The following CMIP variants were observed in gnomAD, a reference collection of about 807,000 sequenced individuals.
The protein encoded by CMIP is C-Maf-inducing protein.
Under a neutral mutation model 97.3 loss-of-function variants are expected in CMIP, and 13 were observed. That is an observed-to-expected ratio of 0.13 (90% CI 0.09 to 0.21). The LOEUF (loss-of-function observed/expected upper bound fraction) is 0.21, where lower values mean the gene tolerates loss of function less well. Ranked by LOEUF, CMIP falls within the 10% of genes least tolerant of loss-of-function variation. The pLI, the probability that CMIP is intolerant of heterozygous loss-of-function variation, is 1.00. For synonymous variants in CMIP, 538 were observed against 436.3 expected (o/e 1.23, Z -2.91); for missense variants, 847 against 1,024.9 (o/e 0.83, Z 2.37).
Position 81,678,303 on chromosome 16 carries a change from A to G in CMIP, c.1063A>G (p.Ile355Val). Residue 355 changes from isoleucine to valine, a missense_variant, in exon 10 of 21, where the codon ATC (isoleucine) becomes GTC (valine). Ile to Val is a conservative substitution (Grantham distance 29). Coordinates refer to ENST00000537098, the MANE Select transcript of CMIP (RefSeq NM_198390.3). ...CGACAATTCCCCAAGCCTGAAGGAA[A>G]TCCGGAACGGCTGCCAGCAGCCGTG... ...SRDNSPSLKEIRNGCQQPCDR... is the reference protein window; with the variant it reads ...SRDNSPSLKEVRNGCQQPCDR... 4 of 1,606,334 alleles carry G rather than the reference A, an allele frequency of 2.5e-6. No individual in the cohort carries two copies. The highest frequency in any genetic ancestry group is 3.4e-6 in the Non-Finnish European group (4 of 1,176,642).
chr16:81,483,499 C>T (rs2089263485), intron 1 of CMIP, among the ~76,000 whole-genome samples: 1 of 152,174 alleles, frequency 6.6e-6, no homozygotes, highest in Admixed American at 6.5e-5. Flanking sequence ...TGCTCTAATA[C>T]ATTCAGGAAA....
intron 9 of CMIP, among the ~76,000 whole-genome samples, chr16:81,673,331 C>T (rs1049408296): frequency 4.6e-5 from 7 of 152,094 alleles, no homozygotes; most frequent in African/African-American, 9.7e-5. Context: ...GCCTGGCCAA[C>T]ATAGTGAAAC....
intron 1 of CMIP, among the ~76,000 whole-genome samples, chr16:81,455,121 C>T (rs535744849): frequency 6.6e-6 from 1 of 152,286 alleles, no homozygotes; most frequent in African/African-American, 2.4e-5. Flanking sequence ...TGGTGCTTTA[C>T]GATGCAGAGA....
At chr16:81,479,219 A>G (rs879633291) in intron 1 of CMIP, among the ~76,000 whole-genome samples, 1 of 152,138 alleles carries the variant, frequency 6.6e-6, no homozygotes, top group Non-Finnish European at 1.5e-5. Flanking sequence ...AGCTACTCGA[A>G]GTTGCTCGCC....
At chr16:81,472,058 A>G (rs142798345) in intron 1 of CMIP, among the ~76,000 whole-genome samples, 2 of 152,310 alleles carry the variant, frequency 1.3e-5, no homozygotes, top group East Asian at 3.9e-4. Context: ...ATATGCACTC[A>G]ATGTATATGC....
chr16:81,451,534 C>G (rs1906215113), intron 1 of CMIP, among the ~76,000 whole-genome samples: 1 of 152,138 alleles, frequency 6.6e-6, no homozygotes, highest in South Asian at 2.1e-4. Context: ...TTTTGATGTT[C>G]TTTTGCTTAA....
chr16:81,551,901 C>T (rs534625463), intron 1 of CMIP, among the ~76,000 whole-genome samples: 22 of 152,232 alleles, frequency 1.4e-4, no homozygotes, highest in African/African-American at 3.6e-4. Context: ...AAAGACTCCC[C>T]GGTCCAGGGA....
At chr16:81,660,397 C>G (rs11643637) in intron 5 of CMIP, among the ~76,000 whole-genome samples, 1 of 151,720 alleles carries the variant, frequency 6.6e-6, no homozygotes, top group Non-Finnish European at 1.5e-5. Flanking sequence ...CTCAGCCTCC[C>G]GAGTAGCTGG....
intron 3 of CMIP, among the ~76,000 whole-genome samples, chr16:81,624,053 A>G (rs1487051219): frequency 1.3e-5 from 2 of 149,764 alleles, no homozygotes; most frequent in East Asian, 2.0e-4. Context: ...TCCCCTCTTT[A>G]TTTACAACCA....
chr16:81,469,693 A>G (rs998822294), intron 1 of CMIP, among the ~76,000 whole-genome samples: 11 of 152,120 alleles, frequency 7.2e-5, no homozygotes, highest in South Asian at 4.1e-4. Context: ...AGAACTCACT[A>G]TGTGTGACAT....
At chr16:81,668,945 T>C (rs1597222243) in intron 7 of CMIP, among the ~76,000 whole-genome samples, 1 of 83,024 alleles carries the variant, frequency 1.2e-5, no homozygotes, top group African/African-American at 5.0e-5. Flanking sequence ...CACACCCACC[T>C]CACACCTTCC....
chr16:81,452,853 G>A (rs1490568169), intron 1 of CMIP, among the ~76,000 whole-genome samples: 3 of 144,652 alleles, frequency 2.1e-5, no homozygotes, highest in Non-Finnish European at 4.5e-5. Context: ...TGCTTCTGTT[G>A]TGTGTTTTTT....
At chr16:81,500,433 C>G (rs1274300890) in intron 1 of CMIP, among the ~76,000 whole-genome samples, 1 of 127,262 alleles carries the variant, frequency 7.9e-6, no homozygotes, top group East Asian at 2.4e-4. Context: ...CTCCCTCCCT[C>G]TCTCTCTCTC....
chr16:81,683,337 T>C (rs940708428), intron 10 of CMIP, among the ~76,000 whole-genome samples: 2 of 152,192 alleles, frequency 1.3e-5, no homozygotes, highest in African/African-American at 4.8e-5. Context: ...CTTGGTGGGC[T>C]GCAGCTCAGC....
intron 3 of CMIP, among the ~76,000 whole-genome samples, chr16:81,647,420 G>A (rs566222556): frequency 6.6e-6 from 1 of 152,256 alleles, no homozygotes; most frequent in South Asian, 2.1e-4. Context: ...ACAAAAACAG[G>A]CAGGGGGCTG....
intron 3 of CMIP, among the ~76,000 whole-genome samples, chr16:81,649,979 G>A (rs149912493): frequency 2.6e-5 from 4 of 152,332 alleles, no homozygotes; most frequent in East Asian, 1.9e-4. Flanking sequence ...TTCAGGCAGC[G>A]TGTCCTGCTC....
chr16:81,534,071 G>A (rs2090293897), intron 1 of CMIP: 1 of 152,238 alleles, frequency 6.6e-6, no homozygotes, highest in Non-Finnish European at 1.5e-5. Context: ...CTGCCTGTGG[G>A]TCAGAGCATC....
rs117521511 is a variant in CMIP at position 81,475,993 on chromosome 16, A to G, written c.300+30452A>G. ...CAGAGTGAGACTCCTTCTCAAAAAA[A>G]AAAAAAAAAGATAAAACATAAGTCA... is the stretch of plus-strand genomic sequence containing the variant. On this transcript the variant is annotated intron_variant, in intron 1 of 20. Coordinates refer to ENST00000537098, the MANE Select transcript of CMIP (RefSeq NM_198390.3). 0.024 allele frequency: 13,179 copies of G among 543,134 alleles called. 947 individuals are homozygous for G. In the East Asian group the frequency reaches 0.25, roughly 10 times the overall value. 33.6% of individuals were successfully genotyped at this position (543,134 alleles called of 1,614,324 possible). A position where few individuals can be genotyped will look rare whatever the true frequency, so the allele number is the denominator to read the frequency against.
chr16:81,615,974 G>A (rs1235195557), intron 2 of CMIP, among the ~76,000 whole-genome samples: 1 of 152,074 alleles, frequency 6.6e-6, no homozygotes, highest in Non-Finnish European at 1.5e-5. Context: ...GGTGGGGAGG[G>A]GACCACGGCC....
Sources: gnomAD v4.1 joint callset for allele counts (sites outside exome capture counted in the v4.1 genomes callset) on GRCh38, gnomAD v4.1.1 for gene constraint, MANE v1.5 for transcripts, NCBI Gene and HGNC (gene_info 2026-07-23, HGNC 2026-07-21) for gene names.